Variants in UBXN8 observed in about 807,000 individuals in gnomAD.
The protein encoded by UBXN8 is UBX domain-containing protein 8.
Under a neutral mutation model 32.1 loss-of-function variants are expected in UBXN8, and 27 were observed. That is an observed-to-expected ratio of 0.84 (90% CI 0.62 to 1.16). The LOEUF is 1.16. Ranked by LOEUF, UBXN8 falls within the 50% of genes most tolerant of loss-of-function variation. The pLI, the probability that UBXN8 is intolerant of heterozygous loss-of-function variation, is 0.00. For synonymous variants in UBXN8, 109 were observed against 111.8 expected, an observed-to-expected ratio of 0.98 and a Z score of 0.16; for missense variants, 306 against 311.4, an observed-to-expected ratio of 0.98 and a Z score of 0.13.
At chr8:30,759,515 G>A (rs1375140310) in intron 5 of UBXN8, among the ~76,000 whole-genome samples, 6 of 151,788 alleles carry the variant, frequency 4.0e-5, no homozygotes, top group South Asian at 4.1e-4. Context: ...GATTACAGGC[G>A]TGAGACACCA....
At chr8:30,761,717 AAAAAAAAAAG>A (rs1427688236) in intron 6 of UBXN8, among the ~76,000 whole-genome samples, 1 of 142,594 alleles carries the variant, frequency 7.0e-6, no homozygotes, top group Non-Finnish European at 1.5e-5. Flanking sequence ...TACAAAAAGG[AAAAAAAAAAG>A]GAAAAAAAAC....
chr8:30,753,121 T>C lies in UBXN8; in HGVS notation c.282+16T>C, dbSNP rs375002905. ...AGGAGAGAAGGTAAGGCAGAATTTT[T>C]AGAGACTTTATGCGTAGAGAAATAC... On this transcript the variant is annotated intron_variant, in intron 3 of 7. Coordinates refer to ENST00000265616, the MANE Select transcript of UBXN8 (RefSeq NM_005671.4). 6.7e-7 allele frequency: 1 copy of C among 1,503,314 alleles called. No individual in the cohort carries two copies. The highest frequency in any genetic ancestry group is 1.4e-5 in the African/African-American group (1 of 70,586). 93.1% of individuals were successfully genotyped at this position (1,503,314 alleles called of 1,614,324 possible). A position where few individuals can be genotyped will look rare whatever the true frequency, so the allele number is the denominator to read the frequency against.
At chr8:30,733,649 G>T (rs140435553) in intron 1 of UBXN8, among the ~76,000 whole-genome samples, 372 of 152,260 alleles carry the variant, frequency 2.4e-3, no homozygotes, top group African/African-American at 8.6e-3. Flanking sequence ...AAGAGGAAAA[G>T]GACTTTCTCC....
intron 1 of UBXN8, among the ~76,000 whole-genome samples, chr8:30,745,526 C>T (rs747049989): frequency 2.0e-5 from 3 of 152,140 alleles, no homozygotes; most frequent in Non-Finnish European, 4.4e-5. Context: ...CATTTTCTCC[C>T]TGCTCACAAG....
At chr8:30,731,974 A>T (rs930492034), upstream of UBXN8, among the ~76,000 whole-genome samples, 5 of 152,176 alleles carry the variant, frequency 3.3e-5, no homozygotes, top group African/African-American at 7.2e-5. Context: ...TAACCCGTAC[A>T]TATTGCTGGG....
At chr8:30,756,933 G>A (rs1244083809) in intron 5 of UBXN8, 46 bp downstream of exon 5, 1 of 1,609,744 alleles carries the variant, frequency 6.2e-7, no homozygotes, top group Admixed American at 1.7e-5. Flanking sequence ...GTGTGCAGTA[G>A]GAGTATTGAA....
intron 1 of UBXN8, among the ~76,000 whole-genome samples, chr8:30,737,834 T>A (rs992709599): frequency 6.6e-6 from 1 of 152,176 alleles, no homozygotes; most frequent in African/African-American, 2.4e-5. Context: ...GGCAACACGA[T>A]TGGACCCTGT....
upstream of UBXN8, among the ~76,000 whole-genome samples, chr8:30,730,557 G>A (rs183916078): frequency 5.3e-5 from 8 of 152,176 alleles, no homozygotes; most frequent in African/African-American, 1.2e-4. Flanking sequence ...ACCGGGAACC[G>A]ACCCCCAGTG....
intron 5 of UBXN8, among the ~76,000 whole-genome samples, chr8:30,758,169 T>C (rs1383676603): frequency 6.6e-6 from 1 of 152,186 alleles, no homozygotes; most frequent in Non-Finnish European, 1.5e-5. Context: ...GTGCTGGGAT[T>C]ACAGGCGTGA....
chr8:30,752,957 T>G (rs966893626), intron 2 of UBXN8, 78 bp from the exon 3 acceptor site: 21 of 1,421,180 alleles, frequency 1.5e-5, no homozygotes, highest in Non-Finnish European at 1.9e-6. Context: ...TTCTTTCTTT[T>G]GATACATTAT....
chr8:30,752,948 T>G, intron 2 of UBXN8, 87 bp from the exon 3 acceptor site: 1 of 1,394,470 alleles, frequency 7.2e-7, no homozygotes, highest in African/African-American at 1.5e-5. Context: ...TAGATTTTTT[T>G]CTTTCTTTTG....
chr8:30,739,687 A>G (rs1183686678), upstream of UBXN8, among the ~76,000 whole-genome samples: 4 of 152,330 alleles, frequency 2.6e-5, no homozygotes, highest in East Asian at 7.7e-4. Context: ...CAATTTTAAC[A>G]CTGGGGGAAA....
chr8:30,729,434 T>G (rs973100494), upstream of UBXN8, among the ~76,000 whole-genome samples: 11 of 152,210 alleles, frequency 7.2e-5, no homozygotes, highest in East Asian at 2.1e-3. Flanking sequence ...CACTTTGGTT[T>G]TTGTTTTTGA....
Position 30,753,061 on chromosome 8 carries a change from C to A in UBXN8, c.238C>A (p.Gln80Lys). The A allele has an allele frequency of 6.6e-7, 1 of 1,521,496 alleles. No homozygotes were observed. The highest frequency in any genetic ancestry group is 2.2e-5 in the Admixed American group (1 of 45,620). 94.2% of individuals were successfully genotyped at this position (1,521,496 alleles called of 1,614,324 possible). ...KEEEEKNEKR[Q>K]KLVRKKQQEA... ...AGAAGAAGAAAAGAATGAGAAAAGA[C>A]AAAAACTTGTGAGAAAAAAACAACA... The change falls in exon 3 of 8, where the codon CAA (glutamine) becomes AAA (lysine). Residue 80 changes from glutamine to lysine, a missense_variant. Coordinates refer to ENST00000265616, the MANE Select transcript of UBXN8 (RefSeq NM_005671.4).
chr8:30,744,422 C>G (rs1025416882), intron 1 of UBXN8, 145 bp downstream of exon 1: 74 of 751,986 alleles, frequency 9.8e-5, no homozygotes, highest in Admixed American at 3.5e-4. Context: ...CCCCCCACTT[C>G]CGGAGCTGAC....
chr8:30,754,517 C>A, intron 3 of UBXN8, 148 bp from the exon 4 acceptor site: 1 of 1,108,746 alleles, frequency 9.0e-7, no homozygotes, highest in Non-Finnish European at 1.3e-6. Context: ...CACGAGCCTC[C>A]CCACAACCAA....
chr8:30,738,031 G>A (rs1237824698), intron 1 of UBXN8, among the ~76,000 whole-genome samples: 2 of 151,936 alleles, frequency 1.3e-5, no homozygotes, highest in East Asian at 3.9e-4. Context: ...CGCCAAGGTG[G>A]GCAGATTGCT....
chr8:30,759,078 A>G (rs1805755543), intron 5 of UBXN8, among the ~76,000 whole-genome samples: 1 of 151,492 alleles, frequency 6.6e-6, no homozygotes, highest in African/African-American at 2.4e-5. Context: ...TATTTTTAGT[A>G]GAGACAGGGT....
intron 1 of UBXN8, 119 bp from the exon 2 acceptor site, chr8:30,751,277 G>T (rs1805515397): frequency 2.5e-6 from 2 of 800,244 alleles, no homozygotes; most frequent in Non-Finnish European, 3.8e-6. Flanking sequence ...ACTTTGGGAG[G>T]CCAAGGCAGG....
Sources: gnomAD v4.1 joint callset for allele counts (sites outside exome capture counted in the v4.1 genomes callset) on GRCh38, gnomAD v4.1.1 for gene constraint, MANE v1.5 for transcripts, NCBI Gene and HGNC (gene_info 2026-07-23, HGNC 2026-07-21) for gene names.